MS4A5: variants seen among roughly 807,000 people sequenced by gnomAD.
The protein encoded by MS4A5 is membrane spanning 4-domains A5.
A neutral mutation model predicts 18.2 loss-of-function variants in MS4A5; 15 were observed. The ratio of observed to expected loss-of-function variants is 0.83; its 90% confidence interval spans 0.55 to 1.27. The LOEUF (loss-of-function observed/expected upper bound fraction) is 1.27. MS4A5 is among the 50% of genes most tolerant of loss of function. The pLI is 0.00. For missense variants in MS4A5, 232 were observed against 225.7 expected, an observed-to-expected ratio of 1.03 and a Z score of -0.18; for synonymous variants, 89 against 78.7, an observed-to-expected ratio of 1.13 and a Z score of -0.69.
Position 60,429,644 on chromosome 11 carries a change from C to T in MS4A5, c.-31C>T. 6.3e-7 allele frequency: 1 copy of T among 1,592,056 alleles called. No individual in the cohort carries two copies. The highest frequency in any genetic ancestry group is 8.5e-7 in the Non-Finnish European group (1 of 1,171,654). ...GTCTAGACTGAAGTACCAACTAAATCATCTCCTTTCAAATTATCACCGACA... is the reference window on the plus strand; with the variant it reads ...GTCTAGACTGAAGTACCAACTAAATTATCTCCTTTCAAATTATCACCGACA... On this transcript the variant is annotated 5_prime_UTR_variant, in exon 1 of 5. Transcript: ENST00000300190.
At chr11:60,435,479 A>C (rs1158137090) in intron 4 of MS4A5, 1 of 410,134 alleles carries the variant, frequency 2.4e-6, no homozygotes, top group African/African-American at 2.1e-5. Context: ...AGCGTGAGAG[A>C]CGCAGAAGAC....
chr11:60,434,322 G>A (rs1226920002), intron 4 of MS4A5, among the ~76,000 whole-genome samples: 1 of 152,134 alleles, frequency 6.6e-6, no homozygotes, highest in Non-Finnish European at 1.5e-5. Context: ...TTGAAAAGGG[G>A]CATTTATTTT....
At chr11:60,446,603 G>T (rs77182118) in intron 4 of MS4A5, among the ~76,000 whole-genome samples, 1 of 152,078 alleles carries the variant, frequency 6.6e-6, no homozygotes, top group African/African-American at 2.4e-5. Flanking sequence ...TTTGGTGGTG[G>T]GCACCTGTAA....
intron 4 of MS4A5, among the ~76,000 whole-genome samples, chr11:60,445,298 T>C (rs901356451): frequency 6.6e-6 from 1 of 152,076 alleles, no homozygotes; most frequent in South Asian, 2.1e-4. Context: ...CTCACTCTGT[T>C]GCCCAGGCTG....
intron 4 of MS4A5, among the ~76,000 whole-genome samples, chr11:60,440,598 C>T (rs2086106124): frequency 6.7e-6 from 1 of 149,320 alleles, no homozygotes; most frequent in East Asian, 1.9e-4. Context: ...CAAACAACCC[C>T]ATCAAAAAGT....
chr11:60,447,360 CTATGCTAT>C (rs2086146541), intron 4 of MS4A5, among the ~76,000 whole-genome samples: 2 of 151,824 alleles, frequency 1.3e-5, no homozygotes, highest in Non-Finnish European at 2.9e-5. Context: ...CTATGCTATG[CTATGCTAT>C]GCAATGCAGT....
At chr11:60,438,495 T>C (rs1307206236) in intron 4 of MS4A5, among the ~76,000 whole-genome samples, 2 of 152,058 alleles carry the variant, frequency 1.3e-5, no homozygotes, top group East Asian at 3.9e-4. Flanking sequence ...GCTGGTTTTT[T>C]GAAAGGATCA....
intron 4 of MS4A5, among the ~76,000 whole-genome samples, chr11:60,435,140 G>T (rs192378339): frequency 8.3e-4 from 126 of 152,268 alleles, no homozygotes; most frequent in African/African-American, 2.2e-3. Flanking sequence ...CCTGAATTTG[G>T]TCTTGGTATG....
intron 4 of MS4A5, among the ~76,000 whole-genome samples, chr11:60,440,299 G>A (rs1391796767): frequency 4.3e-5 from 5 of 117,156 alleles, no homozygotes; most frequent in African/African-American, 1.3e-4. Context: ...AGACTTAAAC[G>A]TTAGACCTAA....
At chr11:60,440,406 A>G (rs61898333) in intron 4 of MS4A5, among the ~76,000 whole-genome samples, 86,594 of 116,730 alleles carry the variant, frequency 0.74, 32,135 homozygotes, top group Middle Eastern at 0.82. Context: ...CAATGGCAAC[A>G]AAAGACAAAA....
intron 4 of MS4A5, among the ~76,000 whole-genome samples, chr11:60,442,702 C>A (rs1267721701): frequency 6.6e-6 from 1 of 152,142 alleles, no homozygotes; most frequent in Non-Finnish European, 1.5e-5. Flanking sequence ...ATGGGCACCC[C>A]GCTGTACAAC....
chr11:60,433,798 G>T lies in MS4A5; in HGVS notation c.373G>T (p.Ala125Ser). 6.2e-7 allele frequency: 1 copy of T among 1,613,804 alleles called. No homozygotes were observed. Among genetic ancestry groups the T allele is most frequent in the Middle Eastern group, 1.6e-4 (1 of 6,062 alleles). ...ILSRIMNFLSALGAIAGIILL... is the reference protein window; with the variant it reads ...ILSRIMNFLSSLGAIAGIILL... ...GAGCCGAATAATGAATTTTCTTAGT[G>T]CCCTGGGAGCAATAGCTGGAATCAT... Residue 125 changes from alanine to serine, a missense_variant, in exon 4 of 5, where the codon GCC becomes TCC. Physicochemically the swap from Ala to Ser is moderately conservative, Grantham distance 99. Coordinates refer to ENST00000300190, the MANE Select transcript of MS4A5 (RefSeq NM_023945.3).
At chr11:60,440,980 A>G (rs1311564736) in intron 4 of MS4A5, among the ~76,000 whole-genome samples, 1 of 66,492 alleles carries the variant, frequency 1.5e-5, no homozygotes, top group African/African-American at 5.7e-5. Context: ...ACGCACACGT[A>G]TGTTTATTGC....
intron 4 of MS4A5, among the ~76,000 whole-genome samples, chr11:60,441,230 G>A (rs1448934749): frequency 1.5e-5 from 2 of 135,298 alleles, no homozygotes; most frequent in East Asian, 4.3e-4. Flanking sequence ...TGAACAATGA[G>A]ATCACATGGA....
intron 2 of MS4A5, 135 bp downstream of exon 2, chr11:60,431,059 T>C: frequency 1.1e-6 from 1 of 899,438 alleles, no homozygotes; most frequent in African/African-American, 1.7e-5. Context: ...GTTGAAATTA[T>C]TTCCCCATTA....
intron 4 of MS4A5, among the ~76,000 whole-genome samples, chr11:60,440,631 C>T (rs2086106317): frequency 6.6e-6 from 1 of 150,580 alleles, no homozygotes; most frequent in Non-Finnish European, 1.5e-5. Context: ...TGAACAGACA[C>T]TTCTTAAAAG....
intron 4 of MS4A5, among the ~76,000 whole-genome samples, chr11:60,436,673 C>T (rs113320773): frequency 0.066 from 8,735 of 132,048 alleles, 1,562 homozygotes; most frequent in South Asian, 0.19. Flanking sequence ...AGGGTATCAG[C>T]GATGGAAGAT....
At chr11:60,433,100 T>C (rs368475244) in intron 3 of MS4A5, among the ~76,000 whole-genome samples, 1 of 152,194 alleles carries the variant, frequency 6.6e-6, no homozygotes, top group Non-Finnish European at 1.5e-5. Context: ...ATTTCAACAT[T>C]CCAGTTACTT....
Position 60,433,888 on chromosome 11 carries a change from C to T in MS4A5, c.463C>T (p.Gln155Ter). The change falls in exon 4 of 5, where the codon CAG becomes TAG. Residue 155 changes from glutamine to a stop codon, truncating the protein, a stop_gained. Coordinates refer to ENST00000300190, the MANE Select transcript of MS4A5 (RefSeq NM_023945.3). LOFTEE classifies it low-confidence loss of function (END_TRUNC). ...YICGYSHQNS[Q>*]CKAVTVLFLG... Reference sequence around the variant, plus strand: ...TTGTGGTTATTCTCACCAAAATAGTCAGTGTAAGGCTGTTACTGTCCTGTT... The same window carrying T: ...TTGTGGTTATTCTCACCAAAATAGTTAGTGTAAGGCTGTTACTGTCCTGTT... 6.2e-7 allele frequency: 1 copy of T among 1,613,994 alleles called. No individual in the cohort carries two copies.
Sources: gnomAD v4.1 joint callset for allele counts (sites outside exome capture counted in the v4.1 genomes callset) on GRCh38, gnomAD v4.1.1 for gene constraint, MANE v1.5 for transcripts, NCBI Gene and HGNC (gene_info 2026-07-23, HGNC 2026-07-21) for gene names.